The following HELZ2 variants were observed in gnomAD, a reference collection of about 807,000 sequenced individuals.
HELZ2 encodes the protein helicase with zinc finger 2, also known as 3'-5' exoribonuclease HELZ2.
In HELZ2, 143 loss-of-function variants were observed where a neutral mutation model predicts 208.8. The ratio of observed to expected loss-of-function variants is 0.68; its 90% CI spans 0.60 to 0.79. HELZ2 has a LOEUF of 0.79. Among genes scored for constraint, HELZ2 ranks in the 30% least tolerant of loss-of-function variants. HELZ2 has a pLI of 0.00. For missense variants in HELZ2, 3,690 were observed against 3,794.5 expected, an observed-to-expected ratio of 0.97 and a Z score of 0.72; for synonymous variants, 1,705 against 1,693.7, an observed-to-expected ratio of 1.01 and a Z score of -0.16.
At position 63,567,635 on chromosome 20, in the gene HELZ2, AG is replaced by A. The variant is rs760771051; in HGVS notation, c.1731-9del. On this transcript the variant is annotated splice_polypyrimidine_tract_variant and intron_variant, in intron 5 of 18. Coordinates refer to ENST00000467148, the Ensembl canonical transcript of HELZ2. ...ATGTAGATGTCGGCGGCACTGCGGGAGGGGGAGGAGCTCATGGGCTTCTTGC... is the reference window on the plus strand; with the variant it reads ...ATGTAGATGTCGGCGGCACTGCGGGAGGGGAGGAGCTCATGGGCTTCTTGC... 14 of 1,596,382 alleles carry A rather than the reference AG, an allele frequency of 8.8e-6. No individual in the cohort carries two copies. In the Admixed American group the frequency reaches 1.0e-4, roughly 12 times the overall value.
At chr20:63,561,252 C>A in exon 14 of HELZ2, 5 of 1,612,666 alleles carry the variant, frequency 3.1e-6, no homozygotes, top group Non-Finnish European at 4.2e-6. Flanking sequence ...AACTTCCGAG[C>A]CTCCCACAAG....
chr20:63,566,273 C>A (rs1044201802), intron 7 of HELZ2, 42 bp from the exon 9 acceptor site: 1 of 1,488,206 alleles, frequency 6.7e-7, no homozygotes, highest in Non-Finnish European at 9.0e-7. Context: ...GTGCGCAAGA[C>A]GGTGGGACCA....
upstream of HELZ2, chr20:63,572,577 A>G: frequency 1.7e-6 from 1 of 604,360 alleles, no homozygotes; most frequent in Non-Finnish European, 2.8e-6. Flanking sequence ...TGCTCAGGGC[A>G]CTGCCCCTGG....
chr20:63,564,366 C>T lies in HELZ2; in HGVS notation c.4456G>A (p.Val1486Ile), dbSNP rs61739518. 6.4e-5 allele frequency: 100 copies of T among 1,560,316 alleles called. No individual in the cohort carries two copies. The highest frequency in any genetic ancestry group is 2.4e-4 in the East Asian group (10 of 42,092). Residue 1486 changes from valine to isoleucine, a missense_variant, in exon 8 of 19, where the codon GTC becomes ATC. Coordinates refer to ENST00000467148, the Ensembl canonical transcript of HELZ2. Reference sequence around the variant, plus strand: ...CGAGAGAAGTAGCACGCGGCCACGACGCAGGCGTCCACGGAGTCCAGGCGG... The same window carrying T: ...CGAGAGAAGTAGCACGCGGCCACGATGCAGGCGTCCACGGAGTCCAGGCGG...
chr20:63,568,558 TG>T lies in HELZ2; in HGVS notation c.1529del (p.Pro510HisfsTer94). ...GCTTGCGGTTGCCACGCCGCAAGGGTGGGACAGACCAAGGTCTGGGCAGGGC... is the reference window on the plus strand; with the variant it reads ...GCTTGCGGTTGCCACGCCGCAAGGGTGGACAGACCAAGGTCTGGGCAGGGC... On this transcript the variant is annotated frameshift_variant, in exon 5 of 19. Coordinates refer to ENST00000467148, the Ensembl canonical transcript of HELZ2. LOFTEE classifies it high-confidence loss of function. 1 of 1,586,064 alleles carries T rather than the reference TG, an allele frequency of 6.3e-7. No homozygotes were observed.
intron 6 of HELZ2, 22 bp from the exon 8 acceptor site, chr20:63,566,475 G>C (rs1331129486): frequency 6.5e-7 from 1 of 1,546,090 alleles, no homozygotes. Flanking sequence ...GCAGGGCCGG[G>C]GATGAGTGCT....
At chr20:63,570,047 C>G (rs2083002175) in intron 3 of HELZ2, 1 of 415,968 alleles carries the variant, frequency 2.4e-6, no homozygotes, top group Middle Eastern at 7.7e-4. Context: ...CTCCTGGGTT[C>G]AAGTGATTTT....
rs758469089 is a variant in HELZ2 at position 63,563,022 on chromosome 20, G to A, written c.5800C>T (p.Arg1934Trp). The A allele has an allele frequency of 1.0e-5, 16 of 1,600,326 alleles. No individual in the cohort carries two copies. In the Admixed American group the frequency reaches 1.5e-4, roughly 15 times the overall value. ...GCGTACTCATCCACGTCGCGGTACCGGTCCCTCGGGGCCCGGTACACACGG... is the reference window on the plus strand; with the variant it reads ...GCGTACTCATCCACGTCGCGGTACCAGTCCCTCGGGGCCCGGTACACACGG... The change falls in exon 8 of 19, where the codon CGG becomes TGG. Residue 1934 changes from arginine to tryptophan, a missense_variant. Arg to Trp is a moderately radical substitution (Grantham distance 101). Transcript: ENST00000467148.
exon 8 of HELZ2, chr20:63,564,648 G>C: frequency 6.4e-7 from 1 of 1,567,274 alleles, no homozygotes; most frequent in Non-Finnish European, 8.7e-7. Context: ...GCAGCGCCCT[G>C]CCTTCGCGCC....
chr20:63,569,525 C>T (rs1384166938), exon 4 of HELZ2: 2 of 1,609,720 alleles, frequency 1.2e-6, no homozygotes, highest in East Asian at 2.2e-5. Context: ...CACGCACTCC[C>T]ACCTGGAAGT....
Position 63,564,178 on chromosome 20 carries a change from C to T in HELZ2, c.4644G>A (p.Thr1548=), listed in dbSNP as rs146949356. ...CTGGCTGCCACCGCAGAGGCGTGAC[C>T]GTCCGCGTGCACTCGCTGCCCACCA... The change falls in exon 8 of 19, where the codon ACG becomes ACA. Residue 1548 remains threonine (T), a synonymous_variant. Transcript: ENST00000467148. 44 of 1,611,464 alleles carry T rather than the reference C, an allele frequency of 2.7e-5. 1 individual carries two copies. The highest frequency in any genetic ancestry group is 5.3e-5 in the African/African-American group (4 of 74,910).
exon 15 of HELZ2, chr20:63,560,816 C>G (rs2082877412): frequency 6.2e-7 from 1 of 1,612,656 alleles, no homozygotes; most frequent in Non-Finnish European, 8.5e-7. Context: ...GAGTGTCCAG[C>G]ATATGTGCGT....
exon 8 of HELZ2, chr20:63,563,738 C>T: frequency 6.3e-7 from 1 of 1,598,800 alleles, no homozygotes. Context: ...GTAGGCAGAG[C>T]CCCCATGGCC....
exon 6 of HELZ2, chr20:63,567,319 G>A (rs1233123660): frequency 6.2e-7 from 1 of 1,609,430 alleles, no homozygotes; most frequent in Non-Finnish European, 8.5e-7. Context: ...ATAGGCCAGC[G>A]GGGTGAGGGC....
At chr20:63,572,145 G>T in exon 1 of HELZ2, 1 of 1,611,586 alleles carries the variant, frequency 6.2e-7, no homozygotes, top group East Asian at 2.2e-5. Flanking sequence ...CCCGGGGGTG[G>T]GGAACGGTGC....
exon 8 of HELZ2, chr20:63,564,820 TCGGCGGCCGGCAACCCGGCCAAGCTCC>T: frequency 6.8e-6 from 11 of 1,610,058 alleles, no homozygotes; most frequent in Non-Finnish European, 9.3e-6. Context: ...GGCAGTCCTC[TCGGCGGCCGGCAACCCGGCCAAGCTCC>T]GTGTGGTATT....
chr20:63,559,334 C>T (rs146251333), exon 19 of HELZ2: 131 of 1,602,842 alleles, frequency 8.2e-5, no homozygotes, highest in Middle Eastern at 3.8e-4. Context: ...CAGGAGGCTA[C>T]GCCAGAGGGG....
downstream of HELZ2, chr20:63,558,682 GCGCC>G (rs1196525641): frequency 2.6e-5 from 4 of 152,362 alleles, no homozygotes; most frequent in Non-Finnish European, 5.9e-5. Flanking sequence ...GGGATTACAG[GCGCC>G]CGCCACCACG....
upstream of HELZ2, chr20:63,572,632 G>C (rs375227817): frequency 1.2e-4 from 61 of 491,852 alleles, no homozygotes; most frequent in East Asian, 1.7e-3. Flanking sequence ...TGAAGCAGAG[G>C]GAGCAAAGCA....
Sources: allele counts gnomAD v4.1 joint callset, GRCh38; gene constraint gnomAD v4.1.1; transcripts MANE v1.5; gene names NCBI Gene and HGNC (gene_info 2026-07-23, HGNC 2026-07-21).